The following AUTS2 variants were observed in gnomAD, a reference collection of about 807,000 sequenced individuals.
AUTS2 encodes autism susceptibility gene 2 protein.
In AUTS2, 17 loss-of-function variants were observed where a neutral mutation model predicts 112.4. That is an observed-to-expected ratio of 0.15 (90% CI 0.10 to 0.23). AUTS2 has a LOEUF of 0.23. Among genes scored for constraint, AUTS2 ranks in the 10% least tolerant of loss-of-function variants. The pLI is 1.00. For missense variants in AUTS2, 1,510 were observed against 1,701.6 expected (o/e 0.89, Z 1.98); for synonymous variants, 751 against 702.7 (o/e 1.07, Z -1.09).
chr7:70,568,479 T>C (rs1181698651), intron 5 of AUTS2, among the ~76,000 whole-genome samples: 3 of 152,242 alleles, frequency 2.0e-5, no homozygotes, highest in Non-Finnish European at 4.4e-5. Context: ...TTTTGAAATT[T>C]AGTGTTCAAG....
intron 18 of AUTS2, among the ~76,000 whole-genome samples, chr7:70,789,388 G>A (rs1057200498): frequency 9.2e-5 from 14 of 152,112 alleles, no homozygotes; most frequent in African/African-American, 2.9e-4. Flanking sequence ...CCAGACAGTC[G>A]GGCTGGATTG....
intron 1 of AUTS2, among the ~76,000 whole-genome samples, chr7:69,634,558 T>G (rs1243653827): frequency 1.3e-5 from 2 of 152,192 alleles, no homozygotes; most frequent in East Asian, 3.8e-4. Context: ...AACAGTTATC[T>G]TGAAAATCTA....
At chr7:69,930,203 T>A (rs1383476373) in intron 2 of AUTS2, among the ~76,000 whole-genome samples, 1 of 152,198 alleles carries the variant, frequency 6.6e-6, no homozygotes, top group Non-Finnish European at 1.5e-5. Context: ...TTCTCTATAA[T>A]TCTTTTGGGT....
At chr7:69,978,493 C>T (rs954858194) in intron 2 of AUTS2, among the ~76,000 whole-genome samples, 1 of 152,064 alleles carries the variant, frequency 6.6e-6, no homozygotes, top group Non-Finnish European at 1.5e-5. Flanking sequence ...GAAATCAGTA[C>T]ACTTTTTGTT....
intron 2 of AUTS2, among the ~76,000 whole-genome samples, chr7:69,978,806 TC>T (rs886501166): frequency 1.3e-5 from 2 of 151,486 alleles, no homozygotes; most frequent in African/African-American, 4.9e-5. Flanking sequence ...TGATTGCACC[TC>T]TGTATTCCAG....
At chr7:69,600,894 CTA>C (rs543268803) in intron 1 of AUTS2, among the ~76,000 whole-genome samples, 317 of 151,000 alleles carry the variant, frequency 2.1e-3, no homozygotes, top group African/African-American at 7.4e-3. Context: ...TTGTGTGTGT[CTA>C]TGTGTGTGTC....
At chr7:70,697,411 A>G (rs1327176706) in intron 5 of AUTS2, among the ~76,000 whole-genome samples, 4 of 152,176 alleles carry the variant, frequency 2.6e-5, no homozygotes, top group Admixed American at 2.0e-4. Context: ...TTGTCTTTCT[A>G]TATCACTTGC....
chr7:70,418,101 G>GTGTC (rs1554396520), intron 4 of AUTS2, among the ~76,000 whole-genome samples: 2 of 148,592 alleles, frequency 1.3e-5, no homozygotes, highest in African/African-American at 5.0e-5. Flanking sequence ...GTGTGTGTGT[G>GTGTC]TGTGTGTGTG....
chr7:69,798,212 A>G (rs1789932378), intron 1 of AUTS2, among the ~76,000 whole-genome samples: 1 of 152,142 alleles, frequency 6.6e-6, no homozygotes, highest in Non-Finnish European at 1.5e-5. Flanking sequence ...TCAGTGCTTT[A>G]TAAACTGTAG....
intron 6 of AUTS2, among the ~76,000 whole-genome samples, chr7:70,737,581 A>G (rs1015381505): frequency 6.6e-6 from 1 of 152,250 alleles, no homozygotes; most frequent in African/African-American, 2.4e-5. Flanking sequence ...GCCCCTCTCC[A>G]ACCTAATTTT....
At chr7:69,976,827 A>T (rs111790087) in intron 2 of AUTS2, among the ~76,000 whole-genome samples, 200 of 152,182 alleles carry the variant, frequency 1.3e-3, no homozygotes, top group African/African-American at 4.5e-3. Context: ...TTCTTTACAT[A>T]TTCTGGATTT....
At chr7:70,123,659 G>A (rs1453360474) in intron 3 of AUTS2, among the ~76,000 whole-genome samples, 1 of 152,156 alleles carries the variant, frequency 6.6e-6, no homozygotes, top group African/African-American at 2.4e-5. Context: ...CACTATCTAT[G>A]TTCCTGCAAA....
intron 4 of AUTS2, among the ~76,000 whole-genome samples, chr7:70,153,118 T>C (rs1314101018): frequency 6.6e-6 from 1 of 152,224 alleles, no homozygotes; most frequent in Admixed American, 6.5e-5. Context: ...ATATTTTACA[T>C]GAATGTTCAT....
intron 6 of AUTS2, among the ~76,000 whole-genome samples, chr7:70,759,383 G>A (rs1189018891): frequency 6.6e-6 from 1 of 152,208 alleles, no homozygotes; most frequent in African/African-American, 2.4e-5. Context: ...CACATCAGCA[G>A]CCTCAGCCTT....
chr7:70,582,226 T>C (rs1194915940), intron 5 of AUTS2, among the ~76,000 whole-genome samples: 2 of 152,224 alleles, frequency 1.3e-5, no homozygotes, highest in Non-Finnish European at 2.9e-5. Flanking sequence ...AGTGTGGTTT[T>C]ATGAAAGCCT....
At chr7:70,546,060 A>G (rs1278286086) in intron 5 of AUTS2, among the ~76,000 whole-genome samples, 2 of 152,228 alleles carry the variant, frequency 1.3e-5, no homozygotes, top group African/African-American at 4.8e-5. Flanking sequence ...CCATTGCCAC[A>G]ATATATGTGG....
intron 2 of AUTS2, among the ~76,000 whole-genome samples, chr7:69,922,397 C>G (rs1235391431): frequency 2.0e-5 from 3 of 152,204 alleles, no homozygotes; most frequent in Non-Finnish European, 4.4e-5. Context: ...AAACAGGTAG[C>G]ACGAGATTGA....
At chr7:69,612,118 A>G (rs1366119389) in intron 1 of AUTS2, among the ~76,000 whole-genome samples, 1 of 152,186 alleles carries the variant, frequency 6.6e-6, no homozygotes, top group South Asian at 2.1e-4. Flanking sequence ...AATATTAATG[A>G]TAGTACATTA....
At chr7:70,528,017 T>C (rs997474637) in intron 5 of AUTS2, among the ~76,000 whole-genome samples, 4 of 151,730 alleles carry the variant, frequency 2.6e-5, no homozygotes, top group African/African-American at 9.7e-5. Context: ...TCAAAGCCTA[T>C]AGTTGTAAAT....
Sources: gnomAD v4.1 joint callset for allele counts (sites outside exome capture counted in the v4.1 genomes callset) on GRCh38, gnomAD v4.1.1 for gene constraint, MANE v1.5 for transcripts, NCBI Gene and HGNC (gene_info 2026-07-23, HGNC 2026-07-21) for gene names.